SYTL2: variants seen among roughly 807,000 people sequenced by gnomAD.
The protein encoded by SYTL2 is synaptotagmin like 2, also known as synaptotagmin-like protein 2.
In SYTL2, 165 loss-of-function variants were observed where a neutral mutation model predicts 198.7. That is an observed-to-expected ratio of 0.83 (90% CI 0.73 to 0.94). SYTL2 has a LOEUF of 0.94. Ranked by LOEUF, SYTL2 falls within the 40% of genes least tolerant of loss-of-function variation. SYTL2 has a pLI of 0.00. For synonymous variants in SYTL2, 966 were observed against 917.7 expected (o/e 1.05, Z -0.95); for missense variants, 2,835 against 2,582.8 (o/e 1.10, Z -2.12).
chr11:85,791,166 C>CCAAA (rs2092723961), intron 1 of SYTL2, among the ~76,000 whole-genome samples: 1 of 39,516 alleles, frequency 2.5e-5, no homozygotes, highest in African/African-American at 1.3e-4. Flanking sequence ...GAGTCTGCCT[C>CCAAA]AAAAAAAAAA....
chr11:85,720,335 G>A (rs1326870319), intron 9 of SYTL2, among the ~76,000 whole-genome samples: 2 of 152,144 alleles, frequency 1.3e-5, no homozygotes, highest in Non-Finnish European at 2.9e-5. Flanking sequence ...AAATGTTCTT[G>A]ATAATAGCCT....
chr11:85,723,853 T>C (rs1040216764), intron 8 of SYTL2, among the ~76,000 whole-genome samples, 179 bp downstream of exon 8: 3 of 139,426 alleles, frequency 2.2e-5, no homozygotes, highest in African/African-American at 5.9e-5. Context: ...ATGTAATGCA[T>C]TTGATTAAAA....
chr11:85,801,478 T>C (rs530771618), intron 1 of SYTL2, among the ~76,000 whole-genome samples: 4 of 152,294 alleles, frequency 2.6e-5, no homozygotes, highest in Admixed American at 6.5e-5. Context: ...TACTCTCCTA[T>C]AGAAGTCTTG....
Position 85,707,415 on chromosome 11 carries a change from G to A in SYTL2, c.6018+14C>T. On this transcript the variant is annotated intron_variant, in intron 15 of 19. Coordinates refer to ENST00000359152, the MANE Select transcript of SYTL2 (RefSeq NM_206927.4). ...ACCATCTAGGATTTTCCTATAGAGA[G>A]AGTTCATAGATACCCGCAGTATTTC... 1 of 1,573,098 alleles carries A rather than the reference G, an allele frequency of 6.4e-7. No individual in the cohort carries two copies. The highest frequency in any genetic ancestry group is 1.1e-5 in the South Asian group (1 of 90,104).
chr11:85,722,255 T>C (rs568957389), intron 8 of SYTL2, among the ~76,000 whole-genome samples: 6 of 143,642 alleles, frequency 4.2e-5, no homozygotes, highest in African/African-American at 1.3e-4. Context: ...CTCGACTCAC[T>C]GCAAGCTCCG....
chr11:85,753,215 G>C (rs1591908412), intron 2 of SYTL2, among the ~76,000 whole-genome samples: 1 of 152,118 alleles, frequency 6.6e-6, no homozygotes, highest in African/African-American at 2.4e-5. Flanking sequence ...GTATGGTTAT[G>C]TTTCCTTAAA....
In SYTL2 at chr11:85,803,863, T is replaced by C. The variant is rs1352621398; in HGVS notation, c.-390+7091A>G. On this transcript the variant is annotated intron_variant, in intron 1 of 19. Transcript: ENST00000359152. ...TATCACCTACTTTAGAGAGTAGTCCTGCCAATTAGAGGAACAAGGACATAG... is the reference window on the plus strand; with the variant it reads ...TATCACCTACTTTAGAGAGTAGTCCCGCCAATTAGAGGAACAAGGACATAG... Among the ~76,000 whole-genome samples, 2 of 152,204 alleles carry C rather than the reference T, an allele frequency of 1.3e-5. 1 individual carries two copies. The highest frequency in any genetic ancestry group is 2.9e-5 in the Non-Finnish European group (2 of 68,048).
At chr11:85,737,282 CAA>C (rs2090424151) in intron 5 of SYTL2, among the ~76,000 whole-genome samples, 1 of 152,186 alleles carries the variant, frequency 6.6e-6, no homozygotes, top group Non-Finnish European at 1.5e-5. Flanking sequence ...ATGGAACTAA[CAA>C]GCCTTATTCC....
chr11:85,707,276 G>GT (rs2085325894), intron 15 of SYTL2, among the ~76,000 whole-genome samples, 153 bp downstream of exon 15: 1 of 152,156 alleles, frequency 6.6e-6, no homozygotes, highest in Non-Finnish European at 1.5e-5. Context: ...CATTCAGGTT[G>GT]TTTTGTCTCA....
chr11:85,788,210 GAGA>G (rs1284037848), intron 1 of SYTL2, among the ~76,000 whole-genome samples: 1 of 152,182 alleles, frequency 6.6e-6, no homozygotes, highest in Non-Finnish European at 1.5e-5. Context: ...TGATGAAAAT[GAGA>G]AGGACTTTTT....
At chr11:85,787,111 G>A (rs533080880) in intron 1 of SYTL2, among the ~76,000 whole-genome samples, 265 of 152,302 alleles carry the variant, frequency 1.7e-3, no homozygotes, top group Non-Finnish European at 2.2e-3. Flanking sequence ...GAGAGGATCC[G>A]AGCCTGCTGT....
In SYTL2 at chr11:85,709,434, G is replaced by A; in HGVS notation, c.5812C>T (p.Gln1938Ter). Reference protein sequence around the residue: ...FGNLEVKGNIQFAIEYVESLK... With the variant: ...FGNLEVKGNI ...GACTCCACATATTCAATTGCAAACTGAATATTTCCTTTAACTTCCAGATTG... is the reference window on the plus strand; with the variant it reads ...GACTCCACATATTCAATTGCAAACTAAATATTTCCTTTAACTTCCAGATTG... The change falls in exon 14 of 20, where the codon CAG (glutamine) becomes TAG (stop). Residue 1938 changes from glutamine (Q) to a stop codon, truncating the protein, a stop_gained. Coordinates refer to ENST00000359152, the MANE Select transcript of SYTL2 (RefSeq NM_206927.4). LOFTEE classifies it high-confidence loss of function. The A allele has an allele frequency of 1.2e-6, 2 of 1,614,038 alleles. No individual in the cohort carries two copies. Among genetic ancestry groups the A allele is most frequent in the Non-Finnish European group, 1.7e-6 (2 of 1,179,982 alleles).
chr11:85,724,027 C>G lies in SYTL2; in HGVS notation c.5326+5G>C. ...ACTGTGAGTTAAAAAATTTTAAATGCTCACTGGAAGGATTTCTCCAGCTCT... is the reference window on the plus strand; with the variant it reads ...ACTGTGAGTTAAAAAATTTTAAATGGTCACTGGAAGGATTTCTCCAGCTCT... On this transcript the variant is annotated splice_donor_5th_base_variant and intron_variant, in intron 8 of 19. Transcript: ENST00000359152. 1 of 1,428,974 alleles carries G rather than the reference C, an allele frequency of 7.0e-7. No homozygotes were observed. Among genetic ancestry groups the G allele is most frequent in the Non-Finnish European group, 9.2e-7 (1 of 1,088,566 alleles). 88.5% of individuals were successfully genotyped at this position (1,428,974 alleles called of 1,614,324 possible). A position where few individuals can be genotyped will look rare whatever the true frequency, so the allele number is the denominator to read the frequency against.
intron 1 of SYTL2, among the ~76,000 whole-genome samples, chr11:85,800,315 G>A (rs949184643): frequency 4.6e-5 from 7 of 152,072 alleles, no homozygotes; most frequent in Non-Finnish European, 8.8e-5. Flanking sequence ...GGTTTCTGCC[G>A]CCCAGGCTGG....
chr11:85,764,970 G>A (rs1021835791), intron 1 of SYTL2, among the ~76,000 whole-genome samples: 1 of 152,152 alleles, frequency 6.6e-6, no homozygotes, highest in Non-Finnish European at 1.5e-5. Flanking sequence ...CTTTGTCCAC[G>A]CACAGGTGGG....
chr11:85,735,460 A>G (rs564937642), intron 6 of SYTL2, among the ~76,000 whole-genome samples: 1 of 152,334 alleles, frequency 6.6e-6, no homozygotes, highest in African/African-American at 2.4e-5. Context: ...TATTTTTGTC[A>G]GAAAGTTAAA....
At chr11:85,721,704 A>C (rs1043209228) in intron 8 of SYTL2, among the ~76,000 whole-genome samples, 6 of 152,206 alleles carry the variant, frequency 3.9e-5, no homozygotes, top group African/African-American at 1.4e-4. Context: ...TCGATTAAGG[A>C]ATCAATTAAT....
chr11:85,713,057 T>C (rs1000456692), intron 12 of SYTL2, among the ~76,000 whole-genome samples: 4 of 152,160 alleles, frequency 2.6e-5, no homozygotes, highest in Admixed American at 1.3e-4. Context: ...GCATGCCTAC[T>C]GTTGGCTTCT....
At chr11:85,776,572 C>T (rs1393840717) in intron 1 of SYTL2, among the ~76,000 whole-genome samples, 1 of 152,208 alleles carries the variant, frequency 6.6e-6, no homozygotes, top group Non-Finnish European at 1.5e-5. Flanking sequence ...CTGCAAAGGA[C>T]ATGAACTCAT....
Sources: allele counts gnomAD v4.1 joint callset (sites outside exome capture counted in the v4.1 genomes callset), GRCh38; gene constraint gnomAD v4.1.1; transcripts MANE v1.5; gene names NCBI Gene and HGNC (gene_info 2026-07-23, HGNC 2026-07-21).